The following PREP variants were observed in gnomAD, a reference collection of about 807,000 sequenced individuals.
The protein encoded by PREP is dJ355L5.1 (prolyl endopeptidase).
Under a neutral mutation model 87.6 loss-of-function variants are expected in PREP, and 29 were observed. The ratio of observed to expected loss-of-function variants is 0.33; its 90% CI spans 0.25 to 0.45. The LOEUF (loss-of-function observed/expected upper bound fraction) is 0.45, where lower values mean the gene tolerates loss of function less well. Ranked by LOEUF, PREP falls within the 20% of genes least tolerant of loss-of-function variation. The pLI, the probability that PREP is intolerant of heterozygous loss-of-function variation, is 1.00. For missense variants in PREP, 695 were observed against 886.5 expected (o/e 0.78, Z 2.74); for synonymous variants, 337 against 328.6 (o/e 1.03, Z -0.28).
chr6:105,349,124 A>T (rs1277846219), intron 7 of PREP, among the ~76,000 whole-genome samples: 1 of 152,200 alleles, frequency 6.6e-6, no homozygotes, highest in Non-Finnish European at 1.5e-5. Context: ...TGAGTCATGG[A>T]AATTACCTGT....
intron 7 of PREP, among the ~76,000 whole-genome samples, chr6:105,340,239 A>G (rs932094782): frequency 1.3e-5 from 2 of 152,206 alleles, no homozygotes; most frequent in Non-Finnish European, 2.9e-5. Context: ...GCCAATATTC[A>G]ACATTCTTAA....
chr6:105,395,470 A>C (rs1773266098), intron 2 of PREP, among the ~76,000 whole-genome samples: 1 of 152,242 alleles, frequency 6.6e-6, no homozygotes, highest in African/African-American at 2.4e-5. Flanking sequence ...ATAAAAAGAT[A>C]TATTTCAGAA....
rs78616945 is a variant in PREP, at chr6:105,373,262, G to C, written c.595+107C>G. On this transcript the variant is annotated intron_variant, in intron 5 of 14. Coordinates refer to ENST00000652536, the MANE Select transcript of PREP (RefSeq NM_002726.5). The stretch of plus-strand genomic sequence containing the variant: ...GATACAACATCCTTTGAGGAAACAT[G>C]GTTCTGGACCACACAACCTCTATGT... 98 of 1,220,866 alleles carry C rather than the reference G, an allele frequency of 8.0e-5. 1 individual carries two copies. The East Asian group carries it at 2.3e-3, about 29-fold the overall frequency. The allele number at this position is 1,220,866 out of a possible 1,614,324, so 75.6% of individuals were successfully genotyped here.
At chr6:105,318,045 C>G (rs1027634637) in intron 10 of PREP, among the ~76,000 whole-genome samples, 1 of 152,144 alleles carries the variant, frequency 6.6e-6, no homozygotes, top group African/African-American at 2.4e-5. Context: ...ATTTGGGTGC[C>G]CTGATCTCAG....
rs1452383089 is a variant in PREP, at chr6:105,277,810, A to G, written c.*334T>C. ...ATTTAAAGATATAGAGGTTATGGAT[A>G]TAGATAAGTATGCCCGACTATGATC... On this transcript the variant is annotated 3_prime_UTR_variant, in exon 15 of 15. Transcript: ENST00000652536. The G allele has an allele frequency of 3.3e-6, 1 of 304,484 alleles. No homozygotes were observed. The highest frequency in any genetic ancestry group is 4.8e-5 in the Admixed American group (1 of 21,012). 18.9% of individuals were successfully genotyped at this position (304,484 alleles called of 1,614,324 possible).
intron 10 of PREP, among the ~76,000 whole-genome samples, chr6:105,321,186 T>C (rs1770996180): frequency 6.6e-6 from 1 of 152,250 alleles, no homozygotes; most frequent in Non-Finnish European, 1.5e-5. Flanking sequence ...ATACAGGCTA[T>C]ACCCTGTTTA....
chr6:105,390,658 G>T (rs938144031), intron 2 of PREP, among the ~76,000 whole-genome samples: 2 of 152,174 alleles, frequency 1.3e-5, no homozygotes, highest in Non-Finnish European at 2.9e-5. Context: ...CTAAAAGGGT[G>T]AAGACACAAT....
chr6:105,340,477 G>A (rs4275096), intron 7 of PREP, among the ~76,000 whole-genome samples: 4,247 of 152,244 alleles, frequency 0.028, 213 homozygotes, highest in African/African-American at 0.096. Context: ...GGAAGAAACT[G>A]CATCAACTAA....
chr6:105,282,604 G>A lies in PREP; in HGVS notation c.1550-22C>T. ...CCACCTACAGTGTGCCAAAGTGGAAGATAGTTAATTAACAAAACATAAAAA... is the reference window on the plus strand; with the variant it reads ...CCACCTACAGTGTGCCAAAGTGGAAAATAGTTAATTAACAAAACATAAAAA... On this transcript the variant is annotated intron_variant, in intron 12 of 14. Coordinates refer to ENST00000652536, the MANE Select transcript of PREP (RefSeq NM_002726.5). The A allele has an allele frequency of 5.0e-6, 8 of 1,603,976 alleles. No individual in the cohort carries two copies. The South Asian group carries it at 9.0e-5, about 18-fold the overall frequency.
intron 14 of PREP, chr6:105,281,012 T>C (rs993957075): frequency 1.3e-5 from 2 of 152,254 alleles, no homozygotes; most frequent in African/African-American, 4.8e-5. Context: ...TTTTAGCAGC[T>C]TGAAACATCA....
At chr6:105,401,919 A>T (rs116590933) in intron 1 of PREP, among the ~76,000 whole-genome samples, 1 of 152,246 alleles carries the variant, frequency 6.6e-6, no homozygotes. Flanking sequence ...TATTCTGATT[A>T]TATTTTAAGT....
At chr6:105,312,618 C>T (rs1320690593) in intron 10 of PREP, among the ~76,000 whole-genome samples, 4 of 152,148 alleles carry the variant, frequency 2.6e-5, no homozygotes, top group East Asian at 1.9e-4. Flanking sequence ...AGTTTATGTA[C>T]GAAGAACATG....
intron 2 of PREP, among the ~76,000 whole-genome samples, chr6:105,385,303 GA>G (rs1355129518): frequency 1.3e-4 from 13 of 96,658 alleles, no homozygotes; most frequent in Non-Finnish European, 2.7e-4. Flanking sequence ...AAAAAAAAAA[GA>G]AAAAAAGCAC....
intron 2 of PREP, among the ~76,000 whole-genome samples, chr6:105,382,618 C>T (rs994770738): frequency 1.3e-5 from 2 of 151,764 alleles, no homozygotes; most frequent in Non-Finnish European, 2.9e-5. Flanking sequence ...TTATACAAAA[C>T]ACTACAATGT....
chr6:105,397,758 G>A, intron 2 of PREP, 95 bp downstream of exon 2: 3 of 987,674 alleles, frequency 3.0e-6, no homozygotes, highest in Non-Finnish European at 4.8e-6. Context: ...AGAAAACACA[G>A]GAGAACACCA....
At position 105,373,420 on chromosome 6, in the gene PREP, C is replaced by T; in HGVS notation, c.544G>A (p.Gly182Arg). ...KFSCMAWTHD[G>R]KGMFYNSYPQ... The stretch of plus-strand genomic sequence containing the variant: ...TATGAGTTGTAGAACATTCCCTTCC[C>T]ATCATGGGTCCAGGCCATACAGCTG... The change falls in exon 5 of 15, where the codon GGG (glycine) becomes AGG (arginine). Residue 182 changes from glycine (G) to arginine (R), a missense_variant. Coordinates refer to ENST00000652536, the MANE Select transcript of PREP (RefSeq NM_002726.5). The T allele has an allele frequency of 2.5e-6, 4 of 1,614,196 alleles. No homozygotes were observed. Among genetic ancestry groups the T allele is most frequent in the Non-Finnish European group, 3.4e-6 (4 of 1,180,036 alleles).
chr6:105,369,337 T>A (rs369624035), intron 5 of PREP, among the ~76,000 whole-genome samples: 1 of 152,220 alleles, frequency 6.6e-6, no homozygotes, highest in Admixed American at 6.5e-5. Flanking sequence ...GAAGAGCTAG[T>A]CCATGTTCAT....
chr6:105,315,541 C>T (rs542877592), intron 10 of PREP, among the ~76,000 whole-genome samples: 16 of 152,276 alleles, frequency 1.1e-4, no homozygotes, highest in African/African-American at 3.8e-4. Context: ...AACTTAAAAT[C>T]ACCAGCTGCA....
intron 7 of PREP, among the ~76,000 whole-genome samples, chr6:105,347,372 A>C (rs1771826795): frequency 6.6e-6 from 1 of 152,218 alleles, no homozygotes; most frequent in Non-Finnish European, 1.5e-5. Context: ...ACATTAATGC[A>C]TGTCTAATTC....
Sources: gnomAD v4.1 joint callset for allele counts (sites outside exome capture counted in the v4.1 genomes callset) on GRCh38, gnomAD v4.1.1 for gene constraint, MANE v1.5 for transcripts, NCBI Gene and HGNC (gene_info 2026-07-23, HGNC 2026-07-21) for gene names.